Variants in FRMD6 observed in about 807,000 individuals in gnomAD.
FRMD6 encodes FERM domain containing 6.
A neutral mutation model predicts 73.2 loss-of-function variants in FRMD6; 37 were observed. The observed-to-expected ratio is 0.51, with a 90% CI of 0.39 to 0.66. The LOEUF is 0.66. FRMD6 is among the 30% of genes least tolerant of loss of function. The pLI, the probability that FRMD6 is intolerant of heterozygous loss-of-function variation, is 0.00. For missense variants in FRMD6, 714 were observed against 780.5 expected (o/e 0.91, Z 1.02); for synonymous variants, 273 against 282.2 (o/e 0.97, Z 0.33).
At chr14:51,497,422 A>G (rs1019422916) in intron 1 of FRMD6, among the ~76,000 whole-genome samples, 1 of 152,114 alleles carries the variant, frequency 6.6e-6, no homozygotes, top group Non-Finnish European at 1.5e-5. Flanking sequence ...GTATCATATT[A>G]TTATTCCCTC....
At chr14:51,500,935 A>G (rs1883587663) in intron 1 of FRMD6, among the ~76,000 whole-genome samples, 4 of 152,314 alleles carry the variant, frequency 2.6e-5, no homozygotes, top group Middle Eastern at 3.4e-3. Context: ...AGCAGATTTG[A>G]TCTTTGATAC....
intron 3 of FRMD6, 121 bp from the exon 4 acceptor site, chr14:51,700,935 A>G: frequency 2.2e-6 from 1 of 463,898 alleles, no homozygotes; most frequent in Non-Finnish European, 3.9e-6. Flanking sequence ...GTTTTCTAGT[A>G]TGTGCATTCA....
At chr14:51,450,297 G>A in the FRMD6 span, among the ~76,000 whole-genome samples, 251 of 152,302 alleles carry the variant, frequency 1.6e-3, 1 homozygote, top group Middle Eastern at 6.8e-3. Context: ...TTCAAAAATT[G>A]AGGATAGGAA....
At chr14:51,693,768 T>C (rs761632153) in intron 2 of FRMD6, among the ~76,000 whole-genome samples, 28 of 152,158 alleles carry the variant, frequency 1.8e-4, no homozygotes, top group Non-Finnish European at 3.7e-4. Flanking sequence ...AGATTTCTTA[T>C]TTCAGGGCAG....
In FRMD6 at chr14:51,575,233, TTTTAAC is replaced by T. The variant is rs372996047; in HGVS notation, c.-147+4829_-147+4834del. On this transcript the variant is annotated intron_variant, in intron 2 of 14. Coordinates refer to the FRMD6 transcript ENST00000356218. ...ATTTAATTTTAAAATATGGCTTACA[TTTTAAC>T]TTTAAGATCCAGAGGCAGTCTGAAT... Among the ~76,000 whole-genome samples the T allele has an allele frequency of 5.5e-3, 836 of 152,342 alleles. 4 individuals are homozygous for T. Among genetic ancestry groups the T allele is most frequent in the African/African-American group, 0.018 (766 of 41,582 alleles).
chr14:51,545,248 C>T (rs538689331), intron 1 of FRMD6, among the ~76,000 whole-genome samples: 126 of 152,140 alleles, frequency 8.3e-4, no homozygotes, highest in African/African-American at 2.8e-3. Flanking sequence ...CCATAAAATA[C>T]AGAACATTGA....
intron 1 of FRMD6, 110 bp from the exon 2 acceptor site, chr14:51,689,581 A>T (rs1283511588): frequency 1.1e-5 from 5 of 452,662 alleles, no homozygotes; most frequent in African/African-American, 1.9e-5. Context: ...GGCTGGAGAT[A>T]TGCTGTCCCT....
intron 10 of FRMD6, among the ~76,000 whole-genome samples, chr14:51,716,738 C>A (rs1174157198): frequency 6.6e-6 from 1 of 152,192 alleles, no homozygotes; most frequent in African/African-American, 2.4e-5. Flanking sequence ...GCTTCAGCTG[C>A]TGCTAGACTG....
chr14:51,583,033 G>A (rs555323440), intron 2 of FRMD6, among the ~76,000 whole-genome samples: 7 of 152,192 alleles, frequency 4.6e-5, no homozygotes, highest in Admixed American at 1.3e-4. Flanking sequence ...ACTCATATGC[G>A]TTTTCAAAAG....
chr14:51,607,079 C>G (rs1202055327), intron 2 of FRMD6, among the ~76,000 whole-genome samples: 1 of 152,130 alleles, frequency 6.6e-6, no homozygotes, highest in East Asian at 1.9e-4. Context: ...TCTTCCCCCA[C>G]TACTCCCCTG....
the FRMD6 span, among the ~76,000 whole-genome samples, chr14:51,411,517 A>C: frequency 1.3e-5 from 2 of 152,188 alleles, no homozygotes; most frequent in South Asian, 2.1e-4. Context: ...CCTCCCCCTT[A>C]CATTGGGGGC....
chr14:51,582,638 A>C (rs756123658), intron 2 of FRMD6, among the ~76,000 whole-genome samples: 4 of 152,198 alleles, frequency 2.6e-5, no homozygotes, highest in Admixed American at 1.3e-4. Context: ...GCTCTGAGAA[A>C]CATAATGGTC....
the FRMD6 span, among the ~76,000 whole-genome samples, chr14:51,401,526 AG>A: frequency 6.6e-6 from 1 of 152,184 alleles, no homozygotes; most frequent in African/African-American, 2.4e-5. Flanking sequence ...GAACTCTGAG[AG>A]TAAAAGGATC....
intron 2 of FRMD6, among the ~76,000 whole-genome samples, chr14:51,626,194 G>C (rs146570458): frequency 8.8e-4 from 134 of 152,282 alleles, no homozygotes; most frequent in Non-Finnish European, 1.0e-3. Context: ...GGAGCTGGAG[G>C]CCATGATCCA....
At chr14:51,584,324 T>C (rs2139679075) in intron 2 of FRMD6, 1 of 152,372 alleles carries the variant, frequency 6.6e-6, no homozygotes, top group South Asian at 2.1e-4. Context: ...CTGTGAGGCA[T>C]TATTGCAAAA....
chr14:51,673,284 G>A (rs991019894), intron 1 of FRMD6, among the ~76,000 whole-genome samples: 5 of 151,694 alleles, frequency 3.3e-5, no homozygotes, highest in African/African-American at 1.2e-4. Flanking sequence ...TTCCACGTTA[G>A]CACAGATCAG....
intron 2 of FRMD6, among the ~76,000 whole-genome samples, chr14:51,588,949 C>T (rs1238429772): frequency 6.6e-6 from 1 of 152,180 alleles, no homozygotes; most frequent in East Asian, 1.9e-4. Context: ...ACCATGACCA[C>T]CATAAGCCCT....
the FRMD6 span, among the ~76,000 whole-genome samples, chr14:51,435,418 T>TAA: frequency 8.4e-3 from 647 of 77,404 alleles, 3 homozygotes; most frequent in East Asian, 0.016. Context: ...CCATCTCTAT[T>TAA]TAAAAAAAAA....
chr14:51,711,073 G>T (rs191456514), intron 7 of FRMD6, among the ~76,000 whole-genome samples: 1 of 152,168 alleles, frequency 6.6e-6, no homozygotes, highest in East Asian at 1.9e-4. Flanking sequence ...GATGTGCCCA[G>T]TTTTAAACAT....
Sources: gnomAD v4.1 joint callset for allele counts (sites outside exome capture counted in the v4.1 genomes callset) on GRCh38, gnomAD v4.1.1 for gene constraint, MANE v1.5 for transcripts, NCBI Gene and HGNC (gene_info 2026-07-23, HGNC 2026-07-21) for gene names.